The following ARSG variants were observed in gnomAD, a reference collection of about 807,000 sequenced individuals.
The protein encoded by ARSG is ASG.
ARSG carries 37 observed loss-of-function variants against 50.5 expected under a neutral mutation model. The observed-to-expected ratio is 0.73, with a 90% CI of 0.56 to 0.96. The LOEUF is 0.96. Ranked by LOEUF, ARSG falls within the 50% of genes least tolerant of loss-of-function variation. The pLI is 0.00. For missense variants in ARSG, 629 were observed against 675.3 expected, an observed-to-expected ratio of 0.93 and a Z score of 0.76; for synonymous variants, 225 against 254.6, an observed-to-expected ratio of 0.88 and a Z score of 1.11.
At chr17:68,445,564 C>A in the ARSG span, among the ~76,000 whole-genome samples, 1 of 152,356 alleles carries the variant, frequency 6.6e-6, no homozygotes, top group African/African-American at 2.4e-5. Flanking sequence ...GGGCTCCTCT[C>A]TCTGGTGCTT....
downstream of ARSG, chr17:68,427,361 A>C (rs2083266534): frequency 3.6e-6 from 3 of 834,502 alleles, no homozygotes; most frequent in Non-Finnish European, 5.7e-6. Flanking sequence ...TCTGTGGGTT[A>C]TTTATTTATT....
chr17:68,368,359 C>T (rs1211055996), intron 6 of ARSG, among the ~76,000 whole-genome samples, 189 bp from the exon 7 acceptor site: 3 of 152,212 alleles, frequency 2.0e-5, no homozygotes, highest in Non-Finnish European at 1.5e-5. Flanking sequence ...TATTACAATT[C>T]TCATTTTTAA....
At chr17:68,429,331 T>A in the ARSG span, among the ~76,000 whole-genome samples, 1 of 152,244 alleles carries the variant, frequency 6.6e-6, no homozygotes, top group Non-Finnish European at 1.5e-5. Flanking sequence ...TGTGAAATTT[T>A]AAAAATGTTC....
the ARSG span, among the ~76,000 whole-genome samples, chr17:68,448,765 G>A: frequency 1.3e-5 from 2 of 152,170 alleles, no homozygotes. Flanking sequence ...TATATGCAAG[G>A]ATAAAAAGTT....
rs548704707 is a variant in ARSG, at chr17:68,316,301, T to C, written c.218+8590T>C. Among the ~76,000 whole-genome samples, 2 of 152,322 alleles carry C rather than the reference T, an allele frequency of 1.3e-5. 1 individual carries two copies. Among genetic ancestry groups the C allele is most frequent in the Admixed American group, 1.3e-4 (2 of 15,300 alleles). On this transcript the variant is annotated intron_variant, in intron 2 of 11. Coordinates refer to ENST00000621439, the MANE Select transcript of ARSG (RefSeq NM_001267727.2). ...GCCTTCCTACCCCATGCACATCTCC[T>C]ACCCATTCTCCTGTTCTGTTTCCAT...
At chr17:68,331,018 T>A (rs1467770625) in intron 2 of ARSG, among the ~76,000 whole-genome samples, 3 of 147,986 alleles carry the variant, frequency 2.0e-5, no homozygotes, top group African/African-American at 7.5e-5. Context: ...AGAGTGTTAC[T>A]CTGTCACCCA....
intron 4 of ARSG, among the ~76,000 whole-genome samples, chr17:68,349,529 A>AG (rs1303032777): frequency 6.6e-6 from 1 of 152,104 alleles, no homozygotes; most frequent in East Asian, 1.9e-4. Flanking sequence ...TTGTGTACCT[A>AG]GGGGGTAGCT....
chr17:68,436,052 C>T, the ARSG span, among the ~76,000 whole-genome samples: 1 of 152,228 alleles, frequency 6.6e-6, no homozygotes, highest in African/African-American at 2.4e-5. Context: ...CCTCAGAGAC[C>T]AGAGGGCAGG....
chr17:68,330,389 G>T (rs1485845096), intron 2 of ARSG, among the ~76,000 whole-genome samples: 1 of 152,130 alleles, frequency 6.6e-6, no homozygotes, highest in East Asian at 1.9e-4. Context: ...CCCTTGGGTT[G>T]TTTGACATGA....
intron 8 of ARSG, among the ~76,000 whole-genome samples, chr17:68,384,096 C>G (rs2080579935): frequency 6.6e-6 from 1 of 152,164 alleles, no homozygotes; most frequent in South Asian, 2.1e-4. Context: ...TAATTGCTTT[C>G]ATTATTCACA....
At chr17:68,278,864 C>T (rs922026270) in intron 1 of ARSG, among the ~76,000 whole-genome samples, 5 of 152,238 alleles carry the variant, frequency 3.3e-5, no homozygotes, top group African/African-American at 9.6e-5. Flanking sequence ...AAGGGATCCA[C>T]CCGCCTTGAC....
chr17:68,311,886 C>T (rs1470956721), intron 2 of ARSG, among the ~76,000 whole-genome samples: 2 of 151,502 alleles, frequency 1.3e-5, no homozygotes, highest in African/African-American at 2.4e-5. Flanking sequence ...CTGCAACCTC[C>T]ACCTCCCAGG....
chr17:68,385,058 T>C lies in ARSG; in HGVS notation c.983-6T>C, dbSNP rs778491794. ...GATGAACCAGCTGCCTCCCCTCCTC[T>C]CACAGGGGGAAGTCCAGCCAAGCAG... On this transcript the variant is annotated splice_region_variant and splice_polypyrimidine_tract_variant and intron_variant, in intron 8 of 11. Coordinates refer to ENST00000621439, the MANE Select transcript of ARSG (RefSeq NM_001267727.2). 5 of 1,612,818 alleles carry C rather than the reference T, an allele frequency of 3.1e-6. No homozygotes were observed. The highest frequency in any genetic ancestry group is 2.5e-6 in the Non-Finnish European group (3 of 1,178,930).
intron 6 of ARSG, among the ~76,000 whole-genome samples, chr17:68,357,093 G>A (rs1369836013): frequency 1.3e-5 from 2 of 152,156 alleles, no homozygotes; most frequent in African/African-American, 4.8e-5. Context: ...TCTCCTTCTA[G>A]GGTACGAGCT....
Position 68,333,169 on chromosome 17 carries a change from A to C in ARSG, c.219-10435A>C, listed in dbSNP as rs188927668. On this transcript the variant is annotated intron_variant, in intron 2 of 11. Coordinates refer to ENST00000621439, the MANE Select transcript of ARSG (RefSeq NM_001267727.2). ...ACTAAAAATACAACAACAACAACAA[A>C]AAATTAGCCAGGCATGGGGGCAGAC... Among the ~76,000 whole-genome samples the C allele has an allele frequency of 4.9e-3, 750 of 152,156 alleles. 5 individuals are homozygous for C. Among genetic ancestry groups the C allele is most frequent in the African/African-American group, 0.017 (703 of 41,504 alleles).
At chr17:68,328,965 C>T (rs1164834389) in intron 2 of ARSG, among the ~76,000 whole-genome samples, 1 of 152,226 alleles carries the variant, frequency 6.6e-6, no homozygotes, top group East Asian at 1.9e-4. Flanking sequence ...AGACATACCT[C>T]TGCTCTTGTG....
chr17:68,326,039 G>A (rs17701622), intron 2 of ARSG, among the ~76,000 whole-genome samples: 60,457 of 151,956 alleles, frequency 0.4, 12,614 homozygotes, highest in Non-Finnish European at 0.44. Context: ...GAGAAACAGC[G>A]TTCCTGAGGT....
chr17:68,330,986 G>T lies in ARSG; in HGVS notation c.219-12618G>T, dbSNP rs904943254. 1.9e-4 allele frequency among the ~76,000 whole-genome samples: 28 copies of T among 145,542 alleles called. 2 individuals are homozygous for T. Among genetic ancestry groups the T allele is most frequent in the African/African-American group, 4.8e-4 (19 of 39,408 alleles). On this transcript the variant is annotated intron_variant, in intron 2 of 11. Coordinates refer to ENST00000621439, the MANE Select transcript of ARSG (RefSeq NM_001267727.2). ...TTATTTCTTTTTTTTTGCGGGGGGG[G>T]GGGGAGGTGGTGGGCGGGGACAGAG...
chr17:68,281,886 C>G (rs550377672), intron 1 of ARSG, among the ~76,000 whole-genome samples: 1 of 152,294 alleles, frequency 6.6e-6, no homozygotes. Flanking sequence ...TATAGGAACA[C>G]TTTTACACTG....
Sources: allele counts gnomAD v4.1 joint callset (sites outside exome capture counted in the v4.1 genomes callset), GRCh38; gene constraint gnomAD v4.1.1; transcripts MANE v1.5; gene names NCBI Gene and HGNC (gene_info 2026-07-23, HGNC 2026-07-21).